CCDC7: variants seen among roughly 807,000 people sequenced by gnomAD.
CCDC7 encodes the protein coiled-coil domain containing 7, also known as coiled-coil domain-containing protein 7.
A neutral mutation model predicts 196.9 loss-of-function variants in CCDC7; 183 were observed. That is an observed-to-expected ratio of 0.93 (90% CI 0.82 to 1.05). CCDC7 has a LOEUF of 1.05. CCDC7 is among the 50% of genes least tolerant of loss of function. CCDC7 has a pLI of 0.00. For synonymous variants in CCDC7, 525 were observed against 484.6 expected, an observed-to-expected ratio of 1.08 and a Z score of -1.10; for missense variants, 1,540 against 1,482.2, an observed-to-expected ratio of 1.04 and a Z score of -0.64.
At chr10:32,681,331 A>G (rs578012146) in intron 21 of CCDC7, among the ~76,000 whole-genome samples, 8 of 152,186 alleles carry the variant, frequency 5.3e-5, no homozygotes, top group South Asian at 4.1e-4. Context: ...AGAACTGAGA[A>G]AAGTTTCTTT....
intron 26 of CCDC7, among the ~76,000 whole-genome samples, chr10:32,727,170 C>G (rs149673660): frequency 1.3e-5 from 2 of 152,046 alleles, no homozygotes; most frequent in Non-Finnish European, 2.9e-5. Context: ...CCACGTGTAG[C>G]GATGTTGTTC....
At chr10:32,659,212 A>C (rs948953004) in intron 20 of CCDC7, among the ~76,000 whole-genome samples, 4 of 151,960 alleles carry the variant, frequency 2.6e-5, no homozygotes, top group African/African-American at 9.7e-5. Context: ...GCATCATTTC[A>C]TGTTTTGTTA....
intron 18 of CCDC7, among the ~76,000 whole-genome samples, chr10:32,588,540 A>G (rs2059502872): frequency 6.6e-6 from 1 of 152,084 alleles, no homozygotes; most frequent in Non-Finnish European, 1.5e-5. Flanking sequence ...GATTCTTTTA[A>G]TATGCCATTA....
intron 13 of CCDC7, among the ~76,000 whole-genome samples, chr10:32,560,895 A>C (rs1281393266): frequency 6.6e-6 from 1 of 151,740 alleles, no homozygotes; most frequent in African/African-American, 2.4e-5. Context: ...TAAAGACTCA[A>C]GACCCATCAG....
At chr10:32,879,831 T>C (rs1351775747), downstream of CCDC7, among the ~76,000 whole-genome samples, 2 of 151,754 alleles carry the variant, frequency 1.3e-5, no homozygotes, top group African/African-American at 4.8e-5. Flanking sequence ...TGCATTAGTT[T>C]GCTGAGTATA....
chr10:32,491,862 T>C, intron 8 of CCDC7, 60 bp from the exon 10 acceptor site: 3 of 1,462,692 alleles, frequency 2.1e-6, no homozygotes, highest in African/African-American at 1.5e-5. Flanking sequence ...ATATTTAGCA[T>C]AGAGCTATAA....
chr10:32,635,285 G>C (rs2065450155), intron 20 of CCDC7, 127 bp downstream of exon 21: 1 of 379,306 alleles, frequency 2.6e-6, no homozygotes, highest in Admixed American at 4.5e-5. Context: ...ATCTATACTG[G>C]TGTCTCTATA....
chr10:32,498,753 C>G (rs2134778607), intron 9 of CCDC7, among the ~76,000 whole-genome samples: 1 of 151,944 alleles, frequency 6.6e-6, no homozygotes, highest in Non-Finnish European at 1.5e-5. Flanking sequence ...GAGAGATCTG[C>G]TGTTAGTCTG....
In CCDC7 at chr10:32,686,081, G is replaced by T. The variant is rs374941931; in HGVS notation, c.2233+1G>T. ...ACTTCTACAGAGCAACCACTCACCA[G>T]TAAGTATAAAAATTACACATAACTT... On this transcript the variant is annotated splice_donor_variant, in intron 22 of 41. Transcript: ENST00000639629. LOFTEE classifies it high-confidence loss of function. The T allele has an allele frequency of 1.5e-6, 2 of 1,352,964 alleles. No individual in the cohort carries two copies. The highest frequency in any genetic ancestry group is 2.1e-6 in the Non-Finnish European group (2 of 973,050). The allele number at this position is 1,352,964 out of a possible 1,614,324, so 83.8% of individuals were successfully genotyped here.
At chr10:32,596,874 A>T (rs1759670) in intron 18 of CCDC7, among the ~76,000 whole-genome samples, 52,202 of 152,072 alleles carry the variant, frequency 0.34, 11,395 homozygotes, top group Non-Finnish European at 0.49. Context: ...TCTGGCTTGT[A>T]GAGTTTCTGC....
At chr10:32,781,263 C>A (rs1447868823) in intron 29 of CCDC7, among the ~76,000 whole-genome samples, 1 of 152,082 alleles carries the variant, frequency 6.6e-6, no homozygotes, top group Non-Finnish European at 1.5e-5. Flanking sequence ...TTCTCAAATT[C>A]TTTCAAAAAA....
chr10:32,765,068 A>G (rs1330678052), intron 28 of CCDC7, among the ~76,000 whole-genome samples: 1 of 152,004 alleles, frequency 6.6e-6, no homozygotes, highest in Admixed American at 6.6e-5. Flanking sequence ...TTAAATAATA[A>G]AAGCACAGTC....
At chr10:32,589,482 G>C (rs558933947) in intron 18 of CCDC7, among the ~76,000 whole-genome samples, 1 of 152,166 alleles carries the variant, frequency 6.6e-6, no homozygotes, top group East Asian at 1.9e-4. Context: ...CCTAACAAAT[G>C]GTCTATGCTT....
At chr10:32,650,241 C>T (rs1286916836) in intron 20 of CCDC7, among the ~76,000 whole-genome samples, 1 of 152,164 alleles carries the variant, frequency 6.6e-6, no homozygotes, top group Non-Finnish European at 1.5e-5. Flanking sequence ...TTGTAAAATT[C>T]TTGTTCTTGG....
chr10:32,876,494 G>A (rs12217414), downstream of CCDC7: 184,770 of 1,115,690 alleles, frequency 0.17, 16,078 homozygotes, highest in East Asian at 0.25. Context: ...ATACTGACTC[G>A]TGTGGATGGT....
chr10:32,468,760 AGTCTACTGCTTCAACAG>A (rs1484826834), intron 5 of CCDC7, among the ~76,000 whole-genome samples: 1 of 152,188 alleles, frequency 6.6e-6, no homozygotes, highest in South Asian at 2.1e-4. Context: ...CTGAGTTAGG[AGTCTACTGCTTCAACAG>A]GTAGGAAACA....
intron 13 of CCDC7, among the ~76,000 whole-genome samples, chr10:32,545,065 G>C (rs1053862833): frequency 6.6e-6 from 1 of 152,130 alleles, no homozygotes; most frequent in Non-Finnish European, 1.5e-5. Context: ...CTAGCAGAAA[G>C]AAACTTGGAA....
At chr10:32,794,484 C>A (rs979577601) in intron 29 of CCDC7, among the ~76,000 whole-genome samples, 4 of 152,126 alleles carry the variant, frequency 2.6e-5, no homozygotes, top group African/African-American at 9.7e-5. Flanking sequence ...TTTGAGTTCT[C>A]TGGGAAATTT....
At chr10:32,665,802 T>A (rs965001985) in intron 21 of CCDC7, among the ~76,000 whole-genome samples, 3 of 152,042 alleles carry the variant, frequency 2.0e-5, no homozygotes, top group Non-Finnish European at 4.4e-5. Flanking sequence ...ATGGGCATTT[T>A]AACAATATTA....
Sources: allele counts gnomAD v4.1 joint callset (sites outside exome capture counted in the v4.1 genomes callset), GRCh38; gene constraint gnomAD v4.1.1; transcripts MANE v1.5; gene names NCBI Gene and HGNC (gene_info 2026-07-23, HGNC 2026-07-21).